The following DCLK1 variants were observed in gnomAD, a reference collection of about 807,000 sequenced individuals.
DCLK1 encodes the protein serine/threonine-protein kinase DCLK1.
In DCLK1, 16 loss-of-function variants were observed where a neutral mutation model predicts 86.2. The observed-to-expected ratio is 0.19, with a 90% CI of 0.13 to 0.28. The LOEUF (loss-of-function observed/expected upper bound fraction) is 0.28. Ranked by LOEUF, DCLK1 falls within the 10% of genes least tolerant of loss-of-function variation. DCLK1 has a pLI of 1.00. For missense variants in DCLK1, 590 were observed against 940.2 expected (o/e 0.63, Z 4.87); for synonymous variants, 369 against 370.5 (o/e 1.00, Z 0.05).
chr13:35,776,243 C>T (rs183977427), intron 16 of DCLK1, among the ~76,000 whole-genome samples: 9 of 152,196 alleles, frequency 5.9e-5, no homozygotes, highest in African/African-American at 1.2e-4. Context: ...TGTAAAGTTA[C>T]GACACATGGT....
intron 6 of DCLK1, among the ~76,000 whole-genome samples, chr13:35,845,112 G>A (rs888774045): frequency 6.6e-6 from 1 of 152,082 alleles, no homozygotes; most frequent in Non-Finnish European, 1.5e-5. Flanking sequence ...GCTGCATGAG[G>A]TGGTACACAC....
At chr13:36,104,671 T>C (rs1326696733) in intron 3 of DCLK1, among the ~76,000 whole-genome samples, 1 of 152,056 alleles carries the variant, frequency 6.6e-6, no homozygotes, top group Non-Finnish European at 1.5e-5. Context: ...CAACAAATGA[T>C]ACTAATAATA....
intron 11 of DCLK1, among the ~76,000 whole-genome samples, chr13:35,818,939 C>T (rs2087332290): frequency 6.6e-6 from 1 of 152,030 alleles, no homozygotes; most frequent in Non-Finnish European, 1.5e-5. Flanking sequence ...ATACTTTCTC[C>T]CACTGCTCAG....
At chr13:35,826,395 T>C (rs1016889101) in intron 10 of DCLK1, among the ~76,000 whole-genome samples, 2 of 150,992 alleles carry the variant, frequency 1.3e-5, no homozygotes, top group Non-Finnish European at 3.0e-5. Context: ...TGGTGGCACA[T>C]GCCTGTAATC....
intron 3 of DCLK1, among the ~76,000 whole-genome samples, chr13:35,974,075 T>C (rs552594206): frequency 3.5e-4 from 53 of 152,082 alleles, no homozygotes; most frequent in Middle Eastern, 6.8e-3. Context: ...AAAATAGAAA[T>C]AGAAAATAAA....
chr13:35,966,285 G>T (rs1351201176), intron 3 of DCLK1, among the ~76,000 whole-genome samples: 5 of 152,018 alleles, frequency 3.3e-5, no homozygotes, highest in African/African-American at 1.2e-4. Flanking sequence ...TCCACTTCTG[G>T]GTATATGCCC....
At chr13:36,019,454 A>G (rs933769384) in intron 3 of DCLK1, among the ~76,000 whole-genome samples, 2 of 152,246 alleles carry the variant, frequency 1.3e-5, no homozygotes, top group Non-Finnish European at 2.9e-5. Flanking sequence ...AAGTATTGTC[A>G]GCCTGTTTCT....
chr13:36,087,246 G>A (rs1264668145), intron 3 of DCLK1, among the ~76,000 whole-genome samples: 1 of 151,938 alleles, frequency 6.6e-6, no homozygotes, highest in South Asian at 2.1e-4. Context: ...TTTCATGTTT[G>A]CTGGCTGCAT....
intron 3 of DCLK1, among the ~76,000 whole-genome samples, chr13:36,022,531 T>A (rs554507822): frequency 6.6e-6 from 1 of 151,668 alleles, no homozygotes; most frequent in East Asian, 1.9e-4. Context: ...AAAAACTTAT[T>A]GAGAAAAAAA....
At chr13:35,836,334 G>A (rs1339050497) in intron 7 of DCLK1, among the ~76,000 whole-genome samples, 193 bp from the exon 8 acceptor site, 3 of 152,070 alleles carry the variant, frequency 2.0e-5, no homozygotes, top group African/African-American at 4.8e-5. Flanking sequence ...TAAGACAAAT[G>A]ATAAAATAAA....
intron 5 of DCLK1, among the ~76,000 whole-genome samples, chr13:35,862,032 C>CAAAAA (rs36091477): frequency 8.3e-4 from 59 of 71,068 alleles, no homozygotes; most frequent in African/African-American, 1.1e-3. Flanking sequence ...GACTCCGTCT[C>CAAAAA]AAAAAAAAAA....
chr13:35,914,359 ATATATATATG>A (rs1377525333), intron 4 of DCLK1, among the ~76,000 whole-genome samples: 3 of 42,662 alleles, frequency 7.0e-5, no homozygotes, highest in African/African-American at 1.1e-4. Flanking sequence ...ACATATATAT[ATATATATATG>A]TATATATATA....
chr13:35,919,548 A>AC (rs1002931065), intron 4 of DCLK1, among the ~76,000 whole-genome samples: 2 of 152,010 alleles, frequency 1.3e-5, no homozygotes, highest in African/African-American at 4.8e-5. Flanking sequence ...TCTTCTTGGA[A>AC]CCCCAGAGAA....
At chr13:35,775,730 A>G (rs1046543247) in intron 16 of DCLK1, among the ~76,000 whole-genome samples, 4 of 152,236 alleles carry the variant, frequency 2.6e-5, no homozygotes, top group Non-Finnish European at 5.9e-5. Flanking sequence ...CTTTTCTTCT[A>G]CAGGGATATA....
intron 16 of DCLK1, among the ~76,000 whole-genome samples, chr13:35,790,600 A>C (rs903956177): frequency 6.6e-6 from 1 of 152,186 alleles, no homozygotes; most frequent in African/African-American, 2.4e-5. Context: ...ATTCTGTTTG[A>C]ATGAAATTTA....
chr13:36,120,081 T>C (rs1190484225), intron 2 of DCLK1, among the ~76,000 whole-genome samples: 2 of 152,158 alleles, frequency 1.3e-5, no homozygotes, highest in Non-Finnish European at 2.9e-5. Context: ...TCACATATTA[T>C]AACAATATGA....
chr13:35,849,186 T>A, intron 6 of DCLK1: 1 of 985,380 alleles, frequency 1.0e-6, no homozygotes, highest in South Asian at 4.7e-5. Flanking sequence ...TGGAATATTT[T>A]ATTCACTTGT....
intron 3 of DCLK1, among the ~76,000 whole-genome samples, chr13:36,009,708 G>T (rs1400012222): frequency 9.3e-6 from 1 of 107,266 alleles, no homozygotes; most frequent in African/African-American, 3.8e-5. Context: ...GGCGATGCGG[G>T]CTCTTTTTTG....
intron 3 of DCLK1, among the ~76,000 whole-genome samples, chr13:36,064,572 T>C (rs1311097498): frequency 6.6e-6 from 1 of 151,556 alleles, no homozygotes; most frequent in Admixed American, 6.6e-5. Context: ...GGCAGGAGAA[T>C]ATCTTGAACC....
Sources: allele counts gnomAD v4.1 joint callset (sites outside exome capture counted in the v4.1 genomes callset), GRCh38; gene constraint gnomAD v4.1.1; transcripts MANE v1.5; gene names NCBI Gene and HGNC (gene_info 2026-07-23, HGNC 2026-07-21).